Variants in KIF3B observed in about 807,000 individuals in gnomAD.
KIF3B encodes the protein kinesin-like protein KIF3B.
In KIF3B, 38 loss-of-function variants were observed where a neutral mutation model predicts 74.3. The ratio of observed to expected loss-of-function variants is 0.51; its 90% CI spans 0.39 to 0.67. The LOEUF is 0.67. KIF3B is among the 30% of genes least tolerant of loss of function. The pLI is 0.00. For synonymous variants in KIF3B, 326 were observed against 342.5 expected, an observed-to-expected ratio of 0.95 and a Z score of 0.53; for missense variants, 649 against 932.0, an observed-to-expected ratio of 0.70 and a Z score of 3.95.
intron 1 of KIF3B, among the ~76,000 whole-genome samples, chr20:32,289,173 C>T (rs547440163): frequency 7.1e-6 from 1 of 141,570 alleles, no homozygotes; most frequent in Admixed American, 7.2e-5. Context: ...GTCAAGAATA[C>T]TGTATTTGTT....
At chr20:32,300,566 G>T (rs2047738668) in intron 1 of KIF3B, among the ~76,000 whole-genome samples, 2 of 151,534 alleles carry the variant, frequency 1.3e-5, no homozygotes, top group Non-Finnish European at 2.9e-5. Context: ...GGCGTGAGCC[G>T]CCGCACCCGC....
intron 1 of KIF3B, among the ~76,000 whole-genome samples, chr20:32,301,155 T>A: frequency 7.2e-6 from 1 of 138,954 alleles, no homozygotes; most frequent in Non-Finnish European, 1.5e-5. Flanking sequence ...TGGCGCAATC[T>A]CGGCTCACTG....
chr20:32,310,418 G>A lies in KIF3B; in HGVS notation c.641G>A (p.Arg214His), dbSNP rs370499804. Residue 214 changes from arginine to histidine, a missense_variant, in exon 2 of 9, where the codon CGT becomes CAT. Transcript: ENST00000375712. This position sits in a 1 kb window ranked among gnomAD's most constrained non-coding sequence, Gnocchi z 6.5. ...GATNMNEHSS[R>H]SHAIFVITIE... ...ACCAACATGAACGAGCACAGCTCGCGTTCTCATGCAATTTTCGTTATCACT... is the reference window on the plus strand; with the variant it reads ...ACCAACATGAACGAGCACAGCTCGCATTCTCATGCAATTTTCGTTATCACT... The A allele has an allele frequency of 5.6e-6, 9 of 1,614,074 alleles. No individual in the cohort carries two copies. The highest frequency in any genetic ancestry group is 2.7e-5 in the African/African-American group (2 of 74,934).
rs1741504346 is a variant in KIF3B at position 32,280,861 on chromosome 20, T to C, written c.-66+3096T>C. On this transcript the variant is annotated intron_variant, in intron 1 of 8. Coordinates refer to ENST00000375712, the MANE Select transcript of KIF3B (RefSeq NM_004798.4). ...GGAGGATGTGGAGGTCAATCCCATC[T>C]CCATATCCTTCGAGGAACTCAGAGC... Among the ~76,000 whole-genome samples the C allele has an allele frequency of 2.0e-5, 3 of 151,938 alleles. No homozygotes were observed. In the South Asian group the frequency reaches 6.3e-4, roughly 32 times the overall value.
At chr20:32,278,350 T>C (rs1321519212) in intron 1 of KIF3B, among the ~76,000 whole-genome samples, 1 of 152,100 alleles carries the variant, frequency 6.6e-6, no homozygotes, top group Non-Finnish European at 1.5e-5. Context: ...CTCTGAGTCT[T>C]CTTTTCCTTA....
intron 8 of KIF3B, among the ~76,000 whole-genome samples, 163 bp from the exon 9 acceptor site, chr20:32,331,060 A>T (rs149159350): frequency 2.6e-5 from 4 of 152,308 alleles, no homozygotes; most frequent in African/African-American, 9.6e-5. Flanking sequence ...GGCCATTTTC[A>T]CCATCCCCAA....
In KIF3B at chr20:32,331,335, T is replaced by C. The variant is rs775937476; in HGVS notation, c.*16T>C. ...TCCAAAGTAAAGCCAGCTTCTCCTC[T>C]CCCAGGGCGGAAACAGCATTTGCCT... On this transcript the variant is annotated 3_prime_UTR_variant, in exon 9 of 9. Coordinates refer to ENST00000375712, the MANE Select transcript of KIF3B (RefSeq NM_004798.4). 1.3e-6 allele frequency: 2 copies of C among 1,590,146 alleles called. No homozygotes were observed. The highest frequency in any genetic ancestry group is 2.2e-5 in the South Asian group (2 of 89,422).
At chr20:32,322,952 ATATATATACATATT>A (rs1274096201) in intron 5 of KIF3B, among the ~76,000 whole-genome samples, 109 of 22,614 alleles carry the variant, frequency 4.8e-3, no homozygotes, top group South Asian at 0.01. Context: ...ATACATATTT[ATATATATACATATT>A]TATATATATA....
rs781292705 is a variant in KIF3B at position 32,316,259 on chromosome 20, A to G, written c.1446A>G (p.Val482=). 1.9e-6 allele frequency: 3 copies of G among 1,613,380 alleles called. No individual in the cohort carries two copies. Among genetic ancestry groups the G allele is most frequent in the Non-Finnish European group, 2.5e-6 (3 of 1,179,360 alleles). Residue 482 remains valine, a synonymous_variant, in exon 3 of 9, where the codon GTA becomes GTG. Coordinates refer to ENST00000375712, the MANE Select transcript of KIF3B (RefSeq NM_004798.4). ...TGCTTGTTGGAGGAAAAAATATAGT[A>G]GATCATACGAATGAACAGCAGAAAA... ...SKLLVGGKNI[V]DHTNEQQKIL...
intron 1 of KIF3B, among the ~76,000 whole-genome samples, chr20:32,303,497 A>G (rs6058631): frequency 0.67 from 100,021 of 150,250 alleles, 34,739 homozygotes; most frequent in East Asian, 0.99. Flanking sequence ...CCCGGGAGAC[A>G]CAGGTTGCAG....
chr20:32,290,115 C>A (rs763756667), intron 1 of KIF3B, among the ~76,000 whole-genome samples: 50 of 152,080 alleles, frequency 3.3e-4, no homozygotes, highest in Non-Finnish European at 6.6e-4. Context: ...GAATGATAGG[C>A]TGGGCACAGT....
intron 5 of KIF3B, among the ~76,000 whole-genome samples, chr20:32,318,023 C>T (rs1243614912): frequency 6.6e-6 from 1 of 152,172 alleles, no homozygotes; most frequent in African/African-American, 2.4e-5. Flanking sequence ...ACAAATCAGT[C>T]CGGGCATGGT....
At chr20:32,327,468 G>C in intron 6 of KIF3B, 88 bp from the exon 7 acceptor site, 2 of 1,015,770 alleles carry the variant, frequency 2.0e-6, no homozygotes, top group Non-Finnish European at 3.1e-6. Flanking sequence ...AGTCCAGGGA[G>C]TTACTTGCTT....
chr20:32,304,731 A>G (rs958055913), intron 1 of KIF3B, among the ~76,000 whole-genome samples: 3 of 152,134 alleles, frequency 2.0e-5, no homozygotes, highest in Non-Finnish European at 2.9e-5. Context: ...TTATGTATCA[A>G]TGATTTAAAA....
intron 6 of KIF3B, among the ~76,000 whole-genome samples, chr20:32,327,292 G>T (rs972297987): frequency 2.0e-5 from 3 of 152,122 alleles, no homozygotes; most frequent in East Asian, 3.8e-4. Flanking sequence ...CACCTGGCAG[G>T]GATGCAGAGG....
chr20:32,284,175 G>T (rs1487396907), intron 1 of KIF3B, among the ~76,000 whole-genome samples: 4 of 152,038 alleles, frequency 2.6e-5, no homozygotes, highest in African/African-American at 9.7e-5. Context: ...CTGGCTTCAA[G>T]CAATCTTCCT....
At position 32,287,872 on chromosome 20, in the gene KIF3B, CTTTTTTTTTTT is replaced by C. The variant is rs10699896; in HGVS notation, c.-66+10125_-66+10135del. On this transcript the variant is annotated intron_variant, in intron 1 of 8. Coordinates refer to ENST00000375712, the MANE Select transcript of KIF3B (RefSeq NM_004798.4). The stretch of plus-strand genomic sequence containing the variant: ...CCTTCTTAGGATCCTCTAAAAGTAT[CTTTTTTTTTTT>C]TTTTTTTTTTTTTTTTTCAGATGGA... Among the ~76,000 whole-genome samples, 70 of 47,498 alleles carry C rather than the reference CTTTTTTTTTTT, an allele frequency of 1.5e-3. 2 individuals carry two copies. The highest frequency in any genetic ancestry group is 2.6e-3 in the Admixed American group (9 of 3,400). 31.2% of individuals were successfully genotyped at this position (47,498 alleles called of 152,430 possible).
chr20:32,300,480 C>T (rs928634270), intron 1 of KIF3B, among the ~76,000 whole-genome samples: 1 of 152,106 alleles, frequency 6.6e-6, no homozygotes, highest in East Asian at 1.9e-4. Flanking sequence ...AGGATTTCAC[C>T]GCGTTAGCCA....
intron 1 of KIF3B, among the ~76,000 whole-genome samples, chr20:32,286,024 G>T (rs569063755): frequency 1.3e-5 from 2 of 152,268 alleles, no homozygotes; most frequent in Admixed American, 6.5e-5. Context: ...CTCATAATTT[G>T]CATTAGAGAG....
Sources: gnomAD v4.1 joint callset for allele counts (sites outside exome capture counted in the v4.1 genomes callset) on GRCh38, gnomAD v4.1.1 for gene constraint, Gnocchi (gnomAD v3.1) non-coding constraint, MANE v1.5 for transcripts, NCBI Gene and HGNC (gene_info 2026-07-23, HGNC 2026-07-21) for gene names.